The following SLC26A7 variants were observed in gnomAD, a reference collection of about 807,000 sequenced individuals.
SLC26A7 encodes the protein anion exchange transporter.
Under a neutral mutation model 82.5 loss-of-function variants are expected in SLC26A7, and 59 were observed. The ratio of observed to expected loss-of-function variants is 0.72; its 90% CI spans 0.58 to 0.89. The LOEUF is 0.89. SLC26A7 is among the 40% of genes least tolerant of loss of function. The pLI, the probability that SLC26A7 is intolerant of heterozygous loss-of-function variation, is 0.00. For missense variants in SLC26A7, 820 were observed against 793.0 expected (o/e 1.03, Z -0.41); for synonymous variants, 271 against 274.3 (o/e 0.99, Z 0.12).
chr8:91,355,044 A>G (rs1416865598), intron 11 of SLC26A7, among the ~76,000 whole-genome samples: 1 of 152,130 alleles, frequency 6.6e-6, no homozygotes, highest in Admixed American at 6.6e-5. Context: ...TTGTTTTCAT[A>G]CTAGAAGGAA....
chr8:91,209,880 G>A (rs973790203), intron 1 of SLC26A7, among the ~76,000 whole-genome samples: 1 of 152,112 alleles, frequency 6.6e-6, no homozygotes, highest in African/African-American at 2.4e-5. Context: ...CTTACAAAAT[G>A]CTTTTTACAT....
chr8:91,346,934 T>C (rs1813579604), intron 9 of SLC26A7, among the ~76,000 whole-genome samples: 1 of 152,216 alleles, frequency 6.6e-6, no homozygotes, highest in African/African-American at 2.4e-5. Context: ...CTTCTGGGTC[T>C]GTCATGTTCC....
At chr8:91,282,070 T>G (rs1455332444) in intron 2 of SLC26A7, among the ~76,000 whole-genome samples, 1 of 152,158 alleles carries the variant, frequency 6.6e-6, no homozygotes, top group Non-Finnish European at 1.5e-5. Flanking sequence ...ACTGTTAGAT[T>G]CAGTTTGATC....
chr8:91,390,198 ACT>A (rs998940583), intron 16 of SLC26A7, among the ~76,000 whole-genome samples: 49 of 150,406 alleles, frequency 3.3e-4, no homozygotes, highest in African/African-American at 1.2e-3. Flanking sequence ...GCAAATACAA[ACT>A]CTGCCTCCTG....
rs561235007 is a variant in SLC26A7, at chr8:91,374,968, A to T, written c.1675+5135A>T. 5.9e-5 allele frequency among the ~76,000 whole-genome samples: 9 copies of T among 152,000 alleles called. No homozygotes were observed. The South Asian group carries it at 8.3e-4, about 14-fold the overall frequency. On this transcript the variant is annotated intron_variant, in intron 15 of 18. Transcript: ENST00000276609. ...TAAATCTTGTTGAATTGAAACCTTT[A>T]TCATTATATAAGGCCCTTCTTTGTC...
intron 2 of SLC26A7, among the ~76,000 whole-genome samples, chr8:91,276,327 T>A (rs1811405182): frequency 6.6e-6 from 1 of 152,216 alleles, no homozygotes; most frequent in Non-Finnish European, 1.5e-5. Context: ...AATTCACTAC[T>A]AACTTGCATT....
At chr8:91,326,138 T>C (rs1812925498) in intron 5 of SLC26A7, among the ~76,000 whole-genome samples, 1 of 152,194 alleles carries the variant, frequency 6.6e-6, no homozygotes, top group African/African-American at 2.4e-5. Context: ...TGTTCTGTTT[T>C]GTTTCTTTTT....
chr8:91,333,483 A>ATG (rs1813152111), intron 5 of SLC26A7, among the ~76,000 whole-genome samples: 1 of 152,186 alleles, frequency 6.6e-6, no homozygotes, highest in South Asian at 2.1e-4. Context: ...TTTTACAAAT[A>ATG]TGCCCTTTAG....
chr8:91,271,677 T>C (rs1811275029), intron 2 of SLC26A7, among the ~76,000 whole-genome samples: 1 of 149,734 alleles, frequency 6.7e-6, no homozygotes, highest in Non-Finnish European at 1.5e-5. Context: ...TCACTGGAAG[T>C]TCTGCCTCCC....
chr8:91,346,853 C>G (rs1813577172), intron 9 of SLC26A7, among the ~76,000 whole-genome samples: 1 of 152,122 alleles, frequency 6.6e-6, no homozygotes, highest in African/African-American at 2.4e-5. Context: ...GTGTCTGTTC[C>G]CTTTGTCTTT....
At chr8:91,284,789 A>C (rs530462475) in intron 2 of SLC26A7, among the ~76,000 whole-genome samples, 1 of 152,350 alleles carries the variant, frequency 6.6e-6, no homozygotes, top group Non-Finnish European at 1.5e-5. Context: ...CTAATACAAA[A>C]TTTAAATGAT....
At chr8:91,310,004 G>C (rs974296971) in intron 4 of SLC26A7, among the ~76,000 whole-genome samples, 5 of 152,164 alleles carry the variant, frequency 3.3e-5, no homozygotes, top group African/African-American at 9.7e-5. Flanking sequence ...GGGCCCACTT[G>C]CTCAACTCTT....
upstream of SLC26A7, among the ~76,000 whole-genome samples, chr8:91,248,245 G>A (rs763636139): frequency 6.6e-6 from 1 of 151,980 alleles, no homozygotes; most frequent in Non-Finnish European, 1.5e-5. Flanking sequence ...ACCCCGCTGC[G>A]TCTCTTCGTT....
At chr8:91,258,636 A>G (rs575389182) in intron 2 of SLC26A7, among the ~76,000 whole-genome samples, 13 of 152,094 alleles carry the variant, frequency 8.5e-5, no homozygotes, top group Non-Finnish European at 4.4e-5. Context: ...ATTGTCTATT[A>G]TATCAATTAA....
Position 91,395,214 on chromosome 8 carries a change from A to C in SLC26A7, c.*117A>C. The C allele has an allele frequency of 6.5e-7, 1 of 1,537,816 alleles. No homozygotes were observed. Among genetic ancestry groups the C allele is most frequent in the Non-Finnish European group, 8.7e-7 (1 of 1,145,442 alleles). On this transcript the variant is annotated 3_prime_UTR_variant, in exon 19 of 19. Coordinates refer to ENST00000276609, the MANE Select transcript of SLC26A7 (RefSeq NM_052832.4). ...CCTACAGATGACCTCTGCTACAATA[A>C]GTACGATGTGACTTAGTAACTGCAT...
chr8:91,352,112 A>G (rs1813733402), intron 10 of SLC26A7, among the ~76,000 whole-genome samples: 1 of 152,000 alleles, frequency 6.6e-6, no homozygotes, highest in African/African-American at 2.4e-5. Flanking sequence ...TCACATAAGA[A>G]TGGTATTGTG....
At chr8:91,334,872 G>A (rs1813197250) in intron 6 of SLC26A7, among the ~76,000 whole-genome samples, 1 of 152,088 alleles carries the variant, frequency 6.6e-6, no homozygotes, top group African/African-American at 2.4e-5. Flanking sequence ...GTTCATTCAT[G>A]ATTGAAAGGT....
At chr8:91,344,100 ATTGAG>A (rs1269445105) in intron 9 of SLC26A7, 3 of 985,392 alleles carry the variant, frequency 3.0e-6, no homozygotes, top group East Asian at 2.3e-4. Flanking sequence ...TGGAAAAGAT[ATTGAG>A]TTGTGTGCCA....
chr8:91,320,753 C>T (rs1812769207), intron 5 of SLC26A7, among the ~76,000 whole-genome samples: 1 of 152,196 alleles, frequency 6.6e-6, no homozygotes, highest in African/African-American at 2.4e-5. Context: ...AAAGAACCTA[C>T]AGCAGAATGA....
Sources: gnomAD v4.1 joint callset for allele counts (sites outside exome capture counted in the v4.1 genomes callset) on GRCh38, gnomAD v4.1.1 for gene constraint, MANE v1.5 for transcripts, NCBI Gene and HGNC (gene_info 2026-07-23, HGNC 2026-07-21) for gene names.